Variants in CDKN3 observed in about 807,000 individuals in gnomAD.
CDKN3 encodes cyclin-dependent kinase inhibitor 3.
In CDKN3, 19 loss-of-function variants were observed where a neutral mutation model predicts 36.1. That is an observed-to-expected ratio of 0.53 (90% confidence interval 0.37 to 0.77). The LOEUF is 0.77. Among genes scored for constraint, CDKN3 ranks in the 30% least tolerant of loss-of-function variants. CDKN3 has a pLI of 0.00. For synonymous variants in CDKN3, 71 were observed against 85.3 expected, an observed-to-expected ratio of 0.83 and a Z score of 0.92; for missense variants, 188 against 248.6, an observed-to-expected ratio of 0.76 and a Z score of 1.64.
chr14:54,402,292 TC>T (rs2139968754), intron 3 of CDKN3, among the ~76,000 whole-genome samples: 1 of 149,242 alleles, frequency 6.7e-6, no homozygotes, highest in Non-Finnish European at 1.5e-5. Context: ...TGAGTAGTAT[TC>T]CATGGCATGT....
rs922587235 is a variant in CDKN3 at position 54,419,774 on chromosome 14, C to T, written c.553-218C>T. On this transcript the variant is annotated intron_variant, in intron 7 of 7. Transcript: ENST00000335183. ...CATATCCATCTACATTTCATTTCAC[C>T]TTCTGATTTTTAGAGACTTGTAGAA... Among the ~76,000 whole-genome samples the T allele has an allele frequency of 6.6e-5, 10 of 152,242 alleles. 1 individual carries two copies. The highest frequency in any genetic ancestry group is 3.9e-4 in the Admixed American group (6 of 15,300).
chr14:54,403,640 A>C (rs1308730591), intron 3 of CDKN3, among the ~76,000 whole-genome samples: 1 of 152,192 alleles, frequency 6.6e-6, no homozygotes, highest in African/African-American at 2.4e-5. Context: ...GAATGCTTCC[A>C]GCTTTTGCCC....
chr14:54,401,654 G>A (rs1490195449), intron 3 of CDKN3, 75 bp downstream of exon 3: 1 of 1,064,708 alleles, frequency 9.4e-7, no homozygotes, highest in African/African-American at 1.6e-5. Context: ...GTAGCTTTTG[G>A]GGGGACAGGT....
rs781149167 is a variant in CDKN3 at position 54,415,946 on chromosome 14, CTAT to C, written c.448+21_448+23del. On this transcript the variant is annotated intron_variant, in intron 6 of 7. Coordinates refer to ENST00000335183, the MANE Select transcript of CDKN3 (RefSeq NM_005192.4). ...TCTTGTCTTGGTAAGAAATATATTT[CTAT>C]TATTTTTTTAACCGCCAAATAGACA... 77 of 1,565,966 alleles carry C rather than the reference CTAT, an allele frequency of 4.9e-5. No individual in the cohort carries two copies. The highest frequency in any genetic ancestry group is 6.2e-6 in the Non-Finnish European group (7 of 1,137,146).
rs529965957 is a variant in CDKN3, at chr14:54,410,496, T to A, written c.194-988T>A. On this transcript the variant is annotated intron_variant, in intron 4 of 7. Transcript: ENST00000335183. ...AAATGCTCAATAGTTAATATTGCCA[T>A]AAAGAAGTCCTAGTGTATAGAATGC... is the stretch of plus-strand genomic sequence containing the variant. 2.0e-5 allele frequency among the ~76,000 whole-genome samples: 3 copies of A among 152,312 alleles called. No homozygotes were observed. In the South Asian group the frequency reaches 6.2e-4, roughly 32 times the overall value.
At position 54,416,061 on chromosome 14, in the gene CDKN3, A is replaced by G. The variant is rs899044045; in HGVS notation, c.448+131A>G. On this transcript the variant is annotated intron_variant, in intron 6 of 7. Coordinates refer to ENST00000335183, the MANE Select transcript of CDKN3 (RefSeq NM_005192.4). ...TTTGCTAAGACTCAAAGGATTACTT[A>G]AGGCCCTAAACATGGTGTTCCCTGG... 3 of 704,642 alleles carry G rather than the reference A, an allele frequency of 4.3e-6. 1 individual carries two copies. Among genetic ancestry groups the G allele is most frequent in the Non-Finnish European group, 7.4e-6 (3 of 406,334 alleles). 43.6% of individuals were successfully genotyped at this position (704,642 alleles called of 1,614,324 possible).
Position 54,418,546 on chromosome 14 carries a change from A to G in CDKN3, c.552+595A>G, listed in dbSNP as rs4251670. 549 of 367,340 alleles carry G rather than the reference A, an allele frequency of 1.5e-3. 2 individuals carry two copies. Among genetic ancestry groups the G allele is most frequent in the African/African-American group, 0.011 (520 of 47,138 alleles). 22.8% of individuals were successfully genotyped at this position (367,340 alleles called of 1,614,324 possible). A position where few individuals can be genotyped will look rare whatever the true frequency, so the allele number is the denominator to read the frequency against. Reference sequence around the variant, plus strand: ...AATCATGTTACTGAAAAGATTCTGCAGATGTCACTTCATTTTGTAGATCTG... The same window carrying G: ...AATCATGTTACTGAAAAGATTCTGCGGATGTCACTTCATTTTGTAGATCTG... On this transcript the variant is annotated intron_variant, in intron 7 of 7. Coordinates refer to ENST00000335183, the MANE Select transcript of CDKN3 (RefSeq NM_005192.4).
chr14:54,402,309 C>CGT (rs35529322), intron 3 of CDKN3, among the ~76,000 whole-genome samples: 83,110 of 147,656 alleles, frequency 0.56, 23,946 homozygotes, highest in Non-Finnish European at 0.66. Context: ...CATGTGTGTG[C>CGT]GTGTGTGTGT....
At chr14:54,414,960 T>G (rs1000880809) in intron 5 of CDKN3, among the ~76,000 whole-genome samples, 4 of 151,528 alleles carry the variant, frequency 2.6e-5, no homozygotes, top group African/African-American at 9.8e-5. Flanking sequence ...CAGTCCTCTA[T>G]TTCACATCCT....
intron 7 of CDKN3, 98 bp from the exon 8 acceptor site, chr14:54,419,894 G>C (rs992571159): frequency 1.5e-5 from 10 of 677,686 alleles, no homozygotes; most frequent in African/African-American, 1.1e-4. Flanking sequence ...ATTGTGCTTA[G>C]CAAGTATTTT....
chr14:54,401,024 T>C (rs904092673), intron 2 of CDKN3, among the ~76,000 whole-genome samples: 1 of 152,238 alleles, frequency 6.6e-6, no homozygotes, highest in Non-Finnish European at 1.5e-5. Flanking sequence ...TTTTCCTAAA[T>C]CACTAATACA....
intron 5 of CDKN3, 44 bp downstream of exon 5, chr14:54,411,750 A>C: frequency 8.2e-7 from 1 of 1,221,334 alleles, no homozygotes. Context: ...TGTCTCAGTC[A>C]AAATGATTTC....
chr14:54,411,799 A>G (rs1378950879), intron 5 of CDKN3, 93 bp downstream of exon 5: 2 of 818,990 alleles, frequency 2.4e-6, no homozygotes, highest in Non-Finnish European at 4.1e-6. Flanking sequence ...CACCTACTTC[A>G]TAGTTTGTTG....
chr14:54,401,495 TA>T, intron 2 of CDKN3, 28 bp from the exon 3 acceptor site: 1 of 1,557,956 alleles, frequency 6.4e-7, no homozygotes, highest in Non-Finnish European at 8.8e-7. Flanking sequence ...AAAACTTAAC[TA>T]AACATGAAAA....
chr14:54,403,752 G>T lies in CDKN3; in HGVS notation c.148+2173G>T, dbSNP rs111764393. Among the ~76,000 whole-genome samples, 229 of 152,222 alleles carry T rather than the reference G, an allele frequency of 1.5e-3. 1 individual carries two copies. The highest frequency in any genetic ancestry group is 5.2e-3 in the African/African-American group (215 of 41,528). ...TTATTGAGTGTTTTTAGCATGAAGG[G>T]GTGTTGAATTTTATCAAAGGCCTTT... On this transcript the variant is annotated intron_variant, in intron 3 of 7. Transcript: ENST00000335183.
intron 4 of CDKN3, chr14:54,411,175 TCAAA>T: frequency 9.1e-6 from 1 of 109,766 alleles, no homozygotes; most frequent in South Asian, 6.7e-5. Context: ...AGACTCCATC[TCAAA>T]AAAAAAAAAA....
At chr14:54,402,164 C>T (rs571352317) in intron 3 of CDKN3, among the ~76,000 whole-genome samples, 31 of 151,184 alleles carry the variant, frequency 2.1e-4, no homozygotes, top group African/African-American at 7.3e-4. Context: ...CGAGATCGCA[C>T]CACTGCACTC....
intron 4 of CDKN3, among the ~76,000 whole-genome samples, chr14:54,409,070 T>C (rs1183404046): frequency 6.6e-6 from 1 of 152,158 alleles, no homozygotes; most frequent in African/African-American, 2.4e-5. Context: ...TGAAAAAAAG[T>C]ATGTAAATAG....
At chr14:54,404,949 A>G (rs1489554754) in intron 3 of CDKN3, among the ~76,000 whole-genome samples, 1 of 152,062 alleles carries the variant, frequency 6.6e-6, no homozygotes, top group Non-Finnish European at 1.5e-5. Flanking sequence ...AGTTCTTTCA[A>G]TTGTGATGTT....
Sources: allele counts gnomAD v4.1 joint callset (sites outside exome capture counted in the v4.1 genomes callset), GRCh38; gene constraint gnomAD v4.1.1; transcripts MANE v1.5; gene names NCBI Gene and HGNC (gene_info 2026-07-23, HGNC 2026-07-21).